Variants in COG3 observed in about 807,000 individuals in gnomAD.
COG3 encodes component of oligomeric golgi complex 3.
A neutral mutation model predicts 114.1 loss-of-function variants in COG3; 32 were observed. That is an observed-to-expected ratio of 0.28 (90% CI 0.21 to 0.38). COG3 has a LOEUF of 0.38. COG3 is among the 10% of genes least tolerant of loss of function. The pLI, the probability that COG3 is intolerant of heterozygous loss-of-function variation, is 1.00. For missense variants in COG3, 813 were observed against 973.2 expected, an observed-to-expected ratio of 0.84 and a Z score of 2.19; for synonymous variants, 352 against 365.7, an observed-to-expected ratio of 0.96 and a Z score of 0.43.
intron 17 of COG3, among the ~76,000 whole-genome samples, chr13:45,516,835 C>T (rs910005843): frequency 1.3e-5 from 2 of 151,840 alleles, no homozygotes; most frequent in South Asian, 2.1e-4. Context: ...TCATTAAGAC[C>T]GAAAAGGAAT....
intron 21 of COG3, among the ~76,000 whole-genome samples, 198 bp downstream of exon 21, chr13:45,530,116 G>A (rs532047541): frequency 6.6e-6 from 1 of 152,172 alleles, no homozygotes; most frequent in East Asian, 1.9e-4. Flanking sequence ...CTGTCACTTT[G>A]TCTTAAGTTT....
At chr13:45,525,257 AT>A (rs947781659) in intron 20 of COG3, among the ~76,000 whole-genome samples, 176 of 147,226 alleles carry the variant, frequency 1.2e-3, no homozygotes, top group Middle Eastern at 3.5e-3. Flanking sequence ...GGAAGGAAGA[AT>A]TTTTTTTTTT....
intron 15 of COG3, 54 bp from the exon 16 acceptor site, chr13:45,511,709 CTT>C: frequency 7.8e-7 from 1 of 1,287,276 alleles, no homozygotes; most frequent in South Asian, 1.3e-5. Flanking sequence ...TAGGATATTC[CTT>C]TTTTTTTGTT....
At chr13:45,477,771 C>T (rs1024266679) in intron 2 of COG3, among the ~76,000 whole-genome samples, 3 of 151,868 alleles carry the variant, frequency 2.0e-5, no homozygotes, top group African/African-American at 4.8e-5. Flanking sequence ...GGACTACAGG[C>T]GGCCACCACC....
chr13:45,469,770 G>A (rs572232821), intron 1 of COG3, among the ~76,000 whole-genome samples: 3 of 152,006 alleles, frequency 2.0e-5, no homozygotes, highest in Admixed American at 6.5e-5. Flanking sequence ...CTGAGGGTGG[G>A]GGAGAATGTT....
rs1412022674 is a variant in COG3 at position 45,493,407 on chromosome 13, T to C, written c.1248T>C (p.His416=). The change falls in exon 12 of 23, where the codon CAT becomes CAC. Residue 416 remains histidine (H), a synonymous_variant. Coordinates refer to ENST00000349995, the MANE Select transcript of COG3 (RefSeq NM_031431.4). ...LYDVFRPLII[H]VIHLETLSEL... ...ATGTCTTCAGGCCATTGATCATTCA[T>C]GTTATTCACTTAGAGACTCTGTCGG... The C allele has an allele frequency of 6.2e-6, 10 of 1,613,226 alleles. No individual in the cohort carries two copies. Among genetic ancestry groups the C allele is most frequent in the Non-Finnish European group, 8.5e-6 (10 of 1,179,440 alleles).
At chr13:45,482,517 TCCTA>T in intron 6 of COG3, 44 bp downstream of exon 6, 1 of 915,190 alleles carries the variant, frequency 1.1e-6, no homozygotes, top group South Asian at 1.5e-5. Flanking sequence ...ATCCTTAGAT[TCCTA>T]TTCCTGTTCC....
At chr13:45,527,992 C>T (rs1872835249) in intron 20 of COG3, among the ~76,000 whole-genome samples, 1 of 152,030 alleles carries the variant, frequency 6.6e-6, no homozygotes, top group Non-Finnish European at 1.5e-5. Flanking sequence ...GTTAGGTATT[C>T]CTAGCCTCTA....
chr13:45,503,023 A>T (rs942483167), intron 13 of COG3, among the ~76,000 whole-genome samples: 2 of 152,210 alleles, frequency 1.3e-5, no homozygotes, highest in African/African-American at 4.8e-5. Context: ...CAAAAATAGC[A>T]TACTGTAGCT....
At chr13:45,467,557 G>A (rs1275602569) in intron 1 of COG3, among the ~76,000 whole-genome samples, 1 of 152,148 alleles carries the variant, frequency 6.6e-6, no homozygotes, top group South Asian at 2.1e-4. Flanking sequence ...GCACCACTGC[G>A]CTCCAGCCTG....
At chr13:45,525,819 G>C (rs1178063591) in intron 20 of COG3, among the ~76,000 whole-genome samples, 1 of 151,158 alleles carries the variant, frequency 6.6e-6, no homozygotes, top group Admixed American at 6.6e-5. Context: ...ACTAAAATGG[G>C]CAAAATGATG....
chr13:45,507,776 A>AG (rs1004119327), intron 14 of COG3, among the ~76,000 whole-genome samples: 2 of 15,736 alleles, frequency 1.3e-4, no homozygotes, highest in Non-Finnish European at 7.8e-4. Flanking sequence ...GAAAAAAAGA[A>AG]AAAAAAAAAA....
At chr13:45,506,841 A>C (rs1870208204) in intron 14 of COG3, among the ~76,000 whole-genome samples, 1 of 152,208 alleles carries the variant, frequency 6.6e-6, no homozygotes, top group Admixed American at 6.5e-5. Context: ...AATGATGTGA[A>C]GTTCATGGCA....
rs1207659083 is a variant in COG3, at chr13:45,465,159, C to G, written c.123C>G (p.Asp41Glu). ...CGCCGCTGACCGACAGGCAGACGGA[C>G]TCGGTATTGGAGCTGAAGGCGGCGG... ...TTAPLTDRQT[D>E]SVLELKAAAE... is the part of the protein sequence containing the mutation. Residue 41 changes from aspartate (D) to glutamate (E), a missense_variant, in exon 1 of 23, where the codon GAC (aspartate) becomes GAG (glutamate). This residue lies in a region of COG3 where 424 missense variants were observed against 430.6 expected (regional missense o/e 0.98). Coordinates refer to ENST00000349995, the MANE Select transcript of COG3 (RefSeq NM_031431.4). The G allele has an allele frequency of 1.2e-6, 2 of 1,613,558 alleles. No homozygotes were observed. Among genetic ancestry groups the G allele is most frequent in the Non-Finnish European group, 1.7e-6 (2 of 1,179,912 alleles).
intron 2 of COG3, among the ~76,000 whole-genome samples, chr13:45,477,633 T>C (rs1383398069): frequency 1.4e-5 from 2 of 147,968 alleles, no homozygotes; most frequent in East Asian, 1.9e-4. Context: ...CATATTCTCT[T>C]TTTTTTTTTT....
chr13:45,502,671 G>A (rs1311384524), intron 13 of COG3, among the ~76,000 whole-genome samples: 1 of 151,464 alleles, frequency 6.6e-6, no homozygotes, highest in East Asian at 1.9e-4. Flanking sequence ...GGTGATTTTT[G>A]GTTACATGGA....
At chr13:45,476,387 C>T (rs371464680) in intron 2 of COG3, 40 bp downstream of exon 2, 2 of 1,590,342 alleles carry the variant, frequency 1.3e-6, no homozygotes, top group Non-Finnish European at 1.7e-6. Flanking sequence ...TTGATTATTT[C>T]AGATGTCTGA....
intron 3 of COG3, 22 bp from the exon 4 acceptor site, chr13:45,480,103 C>G (rs1305881829): frequency 1.3e-6 from 2 of 1,562,840 alleles, no homozygotes; most frequent in South Asian, 2.4e-5. Context: ...ATTGCCAATC[C>G]CCTTTTGGTT....
Position 45,469,372 on chromosome 13 carries a change from T to C in COG3, c.174+4162T>C, listed in dbSNP as rs143746900. Among the ~76,000 whole-genome samples, 420 of 152,308 alleles carry C rather than the reference T, an allele frequency of 2.8e-3. 6 individuals are homozygous for C. Among genetic ancestry groups the C allele is most frequent in the African/African-American group, 9.4e-3 (392 of 41,572 alleles). On this transcript the variant is annotated intron_variant, in intron 1 of 22. Transcript: ENST00000349995. ...ACTGAGCACACGTGTATGACATCCC[T>C]GGATCCCTTTGAAATGACAGTAATA... is the stretch of plus-strand genomic sequence containing the variant.
Sources: gnomAD v4.1 joint callset for allele counts (sites outside exome capture counted in the v4.1 genomes callset) on GRCh38, gnomAD v4.1.1 for gene constraint, gnomAD v4.1.1 regional missense constraint, MANE v1.5 for transcripts, NCBI Gene and HGNC (gene_info 2026-07-23, HGNC 2026-07-21) for gene names.